Variants in USP43 observed in about 807,000 individuals in gnomAD.
The protein encoded by USP43 is ubiquitin specific peptidase 43.
In USP43, 33 loss-of-function variants were observed where a neutral mutation model predicts 90.7. The observed-to-expected ratio is 0.36, with a 90% CI of 0.28 to 0.49. The LOEUF is 0.49. USP43 is among the 20% of genes least tolerant of loss of function. USP43 has a pLI of 0.98. For synonymous variants in USP43, 598 were observed against 615.8 expected (o/e 0.97, Z 0.43); for missense variants, 1,274 against 1,476.4 (o/e 0.86, Z 2.25).
In USP43 at chr17:9,710,023, A is replaced by G; in HGVS notation, c.2079A>G (p.Arg693=). The G allele has an allele frequency of 6.4e-7, 1 of 1,574,370 alleles. No individual in the cohort carries two copies. Among genetic ancestry groups the G allele is most frequent in the Middle Eastern group, 1.7e-4 (1 of 5,954 alleles). Residue 693 remains arginine (R), a synonymous_variant, in exon 13 of 15, where the codon CGA becomes CGG. Transcript: ENST00000285199. ...SYDDSTVEPL[R]EDEVNTRGAY... ...ATGACAGCACGGTGGAACCGCTTCGAGAAGATGAGGTCAACACCAGAGGGG... is the reference window on the plus strand; with the variant it reads ...ATGACAGCACGGTGGAACCGCTTCGGGAAGATGAGGTCAACACCAGAGGGG...
At chr17:9,666,521 T>A in intron 2 of USP43, 127 bp from the exon 3 acceptor site, 1 of 715,382 alleles carries the variant, frequency 1.4e-6, no homozygotes, top group Non-Finnish European at 2.4e-6. Flanking sequence ...CACTGAAGGT[T>A]GAGACTCTAC....
In USP43 at chr17:9,728,208, G is replaced by C; in HGVS notation, c.2590G>C (p.Ala864Pro). Residue 864 changes from alanine (A) to proline (P), a missense_variant, in exon 15 of 15, where the codon GCA becomes CCA. This residue lies in a region of USP43 where 285 missense variants were observed against 349.6 expected (regional missense o/e 0.82). Coordinates refer to ENST00000285199, the MANE Select transcript of USP43 (RefSeq NM_153210.5). This position sits in a 1 kb window ranked among gnomAD's most constrained non-coding sequence, Gnocchi z 6.2. ...TGTAGEDEKS[A>P]SPRSNVALPA... The stretch of plus-strand genomic sequence containing the variant: ...CACTGCGGGTGAGGATGAGAAGTCA[G>C]CATCGCCGAGGTCCAACGTCGCCCT... 3 of 1,613,974 alleles carry C rather than the reference G, an allele frequency of 1.9e-6. No homozygotes were observed. The highest frequency in any genetic ancestry group is 2.5e-6 in the Non-Finnish European group (3 of 1,179,886).
rs1489565448 is a variant in USP43, at chr17:9,728,257, G to T, written c.2639G>T (p.Gly880Val). Residue 880 changes from glycine (G) to valine (V), a missense_variant, in exon 15 of 15, where the codon GGG becomes GTG. Transcript: ENST00000285199. This position sits in a 1 kb window ranked among gnomAD's most constrained non-coding sequence, Gnocchi z 6.2. ...VALPANSEDG[G>V]RAIERGPAGV... Reference sequence around the variant, plus strand: ...CTTCCTGCTAACAGCGAAGATGGTGGGCGGGCCATTGAAAGAGGTCCAGCC... The same window carrying T: ...CTTCCTGCTAACAGCGAAGATGGTGTGCGGGCCATTGAAAGAGGTCCAGCC... The T allele has an allele frequency of 3.7e-6, 6 of 1,613,724 alleles. No homozygotes were observed. Among genetic ancestry groups the T allele is most frequent in the Non-Finnish European group, 5.1e-6 (6 of 1,179,834 alleles).
chr17:9,702,943 G>T (rs1200765710), intron 12 of USP43, among the ~76,000 whole-genome samples: 1 of 152,202 alleles, frequency 6.6e-6, no homozygotes, highest in Non-Finnish European at 1.5e-5. Flanking sequence ...CATGGTGAAG[G>T]TTATGGGAGC....
At chr17:9,671,279 A>G (rs1457789450) in intron 3 of USP43, among the ~76,000 whole-genome samples, 2 of 149,594 alleles carry the variant, frequency 1.3e-5, no homozygotes, top group Non-Finnish European at 3.0e-5. Flanking sequence ...TGGAGGAGGG[A>G]GTGTGTGTGT....
At chr17:9,649,839 C>G (rs1378718706) in intron 1 of USP43, among the ~76,000 whole-genome samples, 3 of 151,924 alleles carry the variant, frequency 2.0e-5, no homozygotes, top group Non-Finnish European at 4.4e-5. Flanking sequence ...AGCATTGTTA[C>G]AAGACATTTT....
intron 6 of USP43, among the ~76,000 whole-genome samples, chr17:9,681,488 A>ATATAT (rs1555550122): frequency 1.2e-5 from 1 of 84,716 alleles, no homozygotes; most frequent in Non-Finnish European, 2.4e-5. Context: ...ATATATATAT[A>ATATAT]TATATATATA....
chr17:9,693,344 T>C (rs1334747322), intron 9 of USP43, 114 bp downstream of exon 9: 3 of 891,538 alleles, frequency 3.4e-6, no homozygotes, highest in Non-Finnish European at 5.3e-6. Context: ...TCTTGATCAC[T>C]TACCTCTCCA....
chr17:9,720,332 A>G (rs926425698), intron 14 of USP43, among the ~76,000 whole-genome samples: 3 of 148,328 alleles, frequency 2.0e-5, no homozygotes, highest in Admixed American at 1.4e-4. Flanking sequence ...AAAAAAAAAA[A>G]AAAAAAAAGA....
chr17:9,679,182 C>T (rs996158830), intron 5 of USP43, among the ~76,000 whole-genome samples: 7 of 152,214 alleles, frequency 4.6e-5, no homozygotes, highest in South Asian at 4.2e-4. Context: ...GTTTTTAAAT[C>T]CTGAAATCTA....
At chr17:9,711,639 C>G (rs1294050649) in intron 13 of USP43, among the ~76,000 whole-genome samples, 2 of 152,110 alleles carry the variant, frequency 1.3e-5, no homozygotes, top group African/African-American at 2.4e-5. Context: ...CCACGTTGGT[C>G]AGGCTGGTCT....
At chr17:9,725,181 G>A (rs1766001285) in intron 14 of USP43, among the ~76,000 whole-genome samples, 1 of 152,114 alleles carries the variant, frequency 6.6e-6, no homozygotes, top group Admixed American at 6.5e-5. Flanking sequence ...GCATGGAGGG[G>A]GCTCTTGTGG....
Position 9,707,046 on chromosome 17 carries a change from A to G in USP43, c.2012-2910A>G, listed in dbSNP as rs188267173. Among the ~76,000 whole-genome samples the G allele has an allele frequency of 3.9e-5, 6 of 152,344 alleles. No individual in the cohort carries two copies. The East Asian group carries it at 9.7e-4, about 25-fold the overall frequency. On this transcript the variant is annotated intron_variant, in intron 12 of 14. Coordinates refer to ENST00000285199, the MANE Select transcript of USP43 (RefSeq NM_153210.5). ...TGCCATATACTTTTACATAAATGCT[A>G]TCATACCATAGATGTATTTTTTGTT...
intron 13 of USP43, among the ~76,000 whole-genome samples, chr17:9,711,084 G>A (rs772283622): frequency 1.3e-5 from 2 of 152,120 alleles, no homozygotes; most frequent in African/African-American, 2.4e-5. Context: ...TGTCCTATTA[G>A]AGAAAAGAAG....
In USP43 at chr17:9,666,752, G is replaced by A; in HGVS notation, c.740+1G>A. 6.2e-7 allele frequency: 1 copy of A among 1,608,520 alleles called. No homozygotes were observed. The highest frequency in any genetic ancestry group is 8.5e-7 in the Non-Finnish European group (1 of 1,176,672). On this transcript the variant is annotated splice_donor_variant, in intron 3 of 14. Transcript: ENST00000285199. LOFTEE classifies it high-confidence loss of function. ...AAAGCCACTTTCAAGCACAATATAG[G>A]TAAGATGGGGATGTGTTTAGAATGT...
chr17:9,687,224 T>C (rs1052840531), intron 8 of USP43, among the ~76,000 whole-genome samples: 2 of 152,204 alleles, frequency 1.3e-5, no homozygotes, highest in Admixed American at 1.3e-4. Context: ...TTTTTCACAT[T>C]TTCCATCATT....
At chr17:9,662,306 C>T (rs898835620) in intron 2 of USP43, among the ~76,000 whole-genome samples, 4 of 152,118 alleles carry the variant, frequency 2.6e-5, no homozygotes, top group East Asian at 1.9e-4. Flanking sequence ...GGCTAGGGTC[C>T]GCTATGCATC....
chr17:9,672,514 T>C (rs73255750), intron 3 of USP43, among the ~76,000 whole-genome samples: 2,235 of 152,304 alleles, frequency 0.015, 51 homozygotes, highest in African/African-American at 0.049. Flanking sequence ...CTCTCATTGG[T>C]TTATATACTT....
intron 14 of USP43, among the ~76,000 whole-genome samples, chr17:9,724,022 T>G (rs1368912673): frequency 6.6e-6 from 1 of 152,202 alleles, no homozygotes; most frequent in Non-Finnish European, 1.5e-5. Flanking sequence ...TTCATCTGTT[T>G]CATCAGCAGC....
Sources: gnomAD v4.1 joint callset for allele counts (sites outside exome capture counted in the v4.1 genomes callset) on GRCh38, gnomAD v4.1.1 for gene constraint, gnomAD v4.1.1 regional missense constraint, Gnocchi (gnomAD v3.1) non-coding constraint, MANE v1.5 for transcripts, NCBI Gene and HGNC (gene_info 2026-07-23, HGNC 2026-07-21) for gene names.